FAM13A: variants seen among roughly 807,000 people sequenced by gnomAD.
FAM13A encodes family with sequence similarity 13 member A.
FAM13A carries 76 observed loss-of-function variants against 129.6 expected under a neutral mutation model. The observed-to-expected ratio is 0.59, with a 90% confidence interval of 0.49 to 0.71. FAM13A has a LOEUF of 0.71. Among genes scored for constraint, FAM13A ranks in the 30% least tolerant of loss-of-function variants. The pLI is 0.00. For synonymous variants in FAM13A, 443 were observed against 449.9 expected, an observed-to-expected ratio of 0.98 and a Z score of 0.20; for missense variants, 1,108 against 1,249.3, an observed-to-expected ratio of 0.89 and a Z score of 1.70.
chr4:88,936,291 A>T (rs1753833032), intron 5 of FAM13A: 2 of 152,506 alleles, frequency 1.3e-5, no homozygotes, highest in Admixed American at 6.5e-5. Context: ...AATTTATTTC[A>T]AAAAGAGGTT....
intron 3 of FAM13A, among the ~76,000 whole-genome samples, chr4:89,012,318 TA>T (rs1017046400): frequency 6.6e-6 from 1 of 152,162 alleles, no homozygotes; most frequent in African/African-American, 2.4e-5. Context: ...AAACCTTGAT[TA>T]AGGAAGATGA....
At chr4:89,005,931 C>T (rs1764946358) in intron 3 of FAM13A, among the ~76,000 whole-genome samples, 1 of 152,196 alleles carries the variant, frequency 6.6e-6, no homozygotes, top group Admixed American at 6.5e-5. Flanking sequence ...TCCCAGTTGT[C>T]AATTTTTGCT....
chr4:88,816,760 A>G (rs1264978094), intron 7 of FAM13A, among the ~76,000 whole-genome samples: 1 of 152,168 alleles, frequency 6.6e-6, no homozygotes, highest in Non-Finnish European at 1.5e-5. Flanking sequence ...ATGTGTGTAG[A>G]GTGTTTTCCA....
intron 7 of FAM13A, among the ~76,000 whole-genome samples, chr4:88,824,084 A>C (rs1485603008): frequency 6.6e-6 from 1 of 152,086 alleles, no homozygotes; most frequent in African/African-American, 2.4e-5. Context: ...TTCCCCTTAT[A>C]ATTTCTTCTT....
At chr4:88,772,132 C>T (rs1188407065) in intron 11 of FAM13A, among the ~76,000 whole-genome samples, 4 of 152,118 alleles carry the variant, frequency 2.6e-5, no homozygotes, top group Non-Finnish European at 5.9e-5. Flanking sequence ...AAATGCCTCT[C>T]TCAATATACA....
intron 14 of FAM13A, among the ~76,000 whole-genome samples, chr4:88,751,995 T>A (rs1347927481): frequency 6.6e-6 from 1 of 152,184 alleles, no homozygotes; most frequent in Non-Finnish European, 1.5e-5. Context: ...TATTTAAAAA[T>A]ATATAATCCT....
chr4:89,003,704 A>G (rs1764601639), intron 3 of FAM13A, among the ~76,000 whole-genome samples: 1 of 152,114 alleles, frequency 6.6e-6, no homozygotes, highest in Non-Finnish European at 1.5e-5. Context: ...CTCACACACC[A>G]TATACCCTCT....
chr4:89,029,598 C>T lies in FAM13A; in HGVS notation c.79G>A (p.Val27Met). ...LKEDMKKIVA[V>M]PLNEQKDFTY... ...AAATCCTTCTGTTCATTTAATGGCA[C>T]TGCCACTATCTTTTTCATGTCTTCT... Residue 27 changes from valine (V) to methionine (M), a missense_variant, in exon 2 of 24, where the codon GTG (valine) becomes ATG (methionine). Physicochemically the swap from Val to Met is conservative, Grantham distance 21 (BLOSUM62 1). Coordinates refer to ENST00000264344, the MANE Select transcript of FAM13A (RefSeq NM_014883.4). 6.3e-7 allele frequency: 1 copy of T among 1,585,384 alleles called. No individual in the cohort carries two copies. The highest frequency in any genetic ancestry group is 2.3e-5 in the East Asian group (1 of 43,668).
chr4:88,906,621 C>T (rs1298369978), intron 5 of FAM13A, among the ~76,000 whole-genome samples, 159 bp from the exon 6 acceptor site: 1 of 152,106 alleles, frequency 6.6e-6, no homozygotes, highest in African/African-American at 2.4e-5. Flanking sequence ...CAAAACTTTT[C>T]CTCTTACATG....
chr4:88,739,691 G>A (rs1448646837), intron 19 of FAM13A, among the ~76,000 whole-genome samples: 2 of 150,738 alleles, frequency 1.3e-5, no homozygotes, highest in African/African-American at 4.9e-5. Context: ...AGGAGGCTGA[G>A]GTGGAGAATC....
intron 7 of FAM13A, among the ~76,000 whole-genome samples, chr4:88,839,295 C>T (rs1401677331): frequency 6.6e-6 from 1 of 152,106 alleles, no homozygotes; most frequent in Non-Finnish European, 1.5e-5. Context: ...ATAAAATAGC[C>T]TGTTAGCTAT....
chr4:88,753,211 T>C (rs1446423845), intron 14 of FAM13A, among the ~76,000 whole-genome samples: 1 of 152,256 alleles, frequency 6.6e-6, no homozygotes, highest in Non-Finnish European at 1.5e-5. Flanking sequence ...TTTTTACTTA[T>C]AAGAGTGTGT....
At chr4:88,830,574 A>T (rs981611027) in intron 7 of FAM13A, among the ~76,000 whole-genome samples, 1 of 152,338 alleles carries the variant, frequency 6.6e-6, no homozygotes, top group Admixed American at 6.5e-5. Flanking sequence ...TCCCATAGAG[A>T]TAGAAATTAT....
chr4:88,945,612 C>G (rs1320250259), intron 4 of FAM13A, among the ~76,000 whole-genome samples: 1 of 151,700 alleles, frequency 6.6e-6, no homozygotes, highest in Non-Finnish European at 1.5e-5. Context: ...AGAGATCCTA[C>G]AGTGCACCTA....
chr4:88,773,597 C>G (rs935710381), intron 11 of FAM13A, among the ~76,000 whole-genome samples: 10 of 152,146 alleles, frequency 6.6e-5, no homozygotes, highest in Non-Finnish European at 1.3e-4. Flanking sequence ...CTGCTTACCC[C>G]CTAAATGCTG....
chr4:89,003,952 G>A (rs1007291192), intron 3 of FAM13A, among the ~76,000 whole-genome samples: 7 of 152,108 alleles, frequency 4.6e-5, no homozygotes, highest in African/African-American at 1.4e-4. Context: ...AGAAAGAACT[G>A]AGGGCTGCCA....
At chr4:88,940,524 A>G (rs781141399) in intron 4 of FAM13A, among the ~76,000 whole-genome samples, 5 of 152,216 alleles carry the variant, frequency 3.3e-5, no homozygotes, top group Non-Finnish European at 5.9e-5. Flanking sequence ...CTTATACAAA[A>G]ATGAAAGGGG....
At chr4:88,892,521 C>T (rs534495002) in intron 6 of FAM13A, among the ~76,000 whole-genome samples, 9 of 152,204 alleles carry the variant, frequency 5.9e-5, no homozygotes, top group African/African-American at 9.6e-5. Context: ...AAAATACTGA[C>T]GCCAACTACT....
intron 3 of FAM13A, among the ~76,000 whole-genome samples, chr4:89,003,568 G>A (rs1764579214): frequency 1.3e-5 from 2 of 151,962 alleles, no homozygotes; most frequent in South Asian, 2.1e-4. Context: ...AGTAAGCAGA[G>A]GTTGCAGTGA....
Sources: allele counts gnomAD v4.1 joint callset (sites outside exome capture counted in the v4.1 genomes callset), GRCh38; gene constraint gnomAD v4.1.1; transcripts MANE v1.5; gene names NCBI Gene and HGNC (gene_info 2026-07-23, HGNC 2026-07-21).